The following CREB5 variants were observed in gnomAD, a reference collection of about 807,000 sequenced individuals.
CREB5 encodes the protein cyclic AMP-responsive element-binding protein 5.
A neutral mutation model predicts 57.1 loss-of-function variants in CREB5; 19 were observed. That is an observed-to-expected ratio of 0.33 (90% CI 0.23 to 0.49). The LOEUF (loss-of-function observed/expected upper bound fraction) is 0.49. Among genes scored for constraint, CREB5 ranks in the 20% least tolerant of loss-of-function variants. The pLI is 0.99. For synonymous variants in CREB5, 238 were observed against 238.3 expected (o/e 1.00, Z 0.01); for missense variants, 579 against 671.6 (o/e 0.86, Z 1.52).
chr7:28,493,812 G>A (rs577633155), intron 2 of CREB5, among the ~76,000 whole-genome samples: 163 of 152,212 alleles, frequency 1.1e-3, no homozygotes, highest in African/African-American at 3.8e-3. Context: ...TTAAAAATAA[G>A]CATTGGTTTA....
intron 5 of CREB5, among the ~76,000 whole-genome samples, chr7:28,578,761 A>G (rs1336957257): frequency 2.0e-5 from 3 of 152,256 alleles, no homozygotes; most frequent in Admixed American, 1.3e-4. Context: ...GATTCAAAAG[A>G]TAGCTCATTC....
At chr7:28,444,426 A>G (rs1038406569) in intron 1 of CREB5, among the ~76,000 whole-genome samples, 1 of 152,152 alleles carries the variant, frequency 6.6e-6, no homozygotes, top group African/African-American at 2.4e-5. Context: ...TCCTGAGAAA[A>G]TAATAAAGAT....
At chr7:28,377,097 A>C (rs1164093939) in intron 1 of CREB5, among the ~76,000 whole-genome samples, 1 of 152,114 alleles carries the variant, frequency 6.6e-6, no homozygotes, top group Non-Finnish European at 1.5e-5. Flanking sequence ...AGGCATTTTT[A>C]CTCTACAAGG....
chr7:28,463,418 GA>G (rs768745967), intron 1 of CREB5, among the ~76,000 whole-genome samples: 36 of 152,188 alleles, frequency 2.4e-4, no homozygotes, highest in Non-Finnish European at 3.8e-4. Flanking sequence ...TAGTCCCATT[GA>G]ATTTTCATAT....
At chr7:28,499,405 T>C (rs1042979832) in intron 3 of CREB5, among the ~76,000 whole-genome samples, 12 of 152,068 alleles carry the variant, frequency 7.9e-5, no homozygotes, top group Non-Finnish European at 1.8e-4. Context: ...TGCACATGTG[T>C]CCTCTCATGT....
intron 7 of CREB5, among the ~76,000 whole-genome samples, chr7:28,758,449 G>T (rs1440216990): frequency 2.0e-5 from 3 of 152,128 alleles, no homozygotes; most frequent in Non-Finnish European, 2.9e-5. Flanking sequence ...TGTGAGGGCT[G>T]GTATGTGAAT....
At chr7:28,403,036 A>C (rs922378315) in intron 1 of CREB5, among the ~76,000 whole-genome samples, 8 of 152,224 alleles carry the variant, frequency 5.3e-5, no homozygotes, top group Non-Finnish European at 7.3e-5. Flanking sequence ...CTGAAAACTA[A>C]ATCATACTAG....
chr7:28,507,150 T>C lies in CREB5; in HGVS notation c.170-466T>C, dbSNP rs1055841134. On this transcript the variant is annotated intron_variant, in intron 3 of 10. Coordinates refer to ENST00000357727, the MANE Select transcript of CREB5 (RefSeq NM_182898.4). ...AAATGAATTAACATGCTTGTTTGTT[T>C]CTTTTTGTTTACTATAAGAATTTGC... Among the ~76,000 whole-genome samples, 3 of 152,250 alleles carry C rather than the reference T, an allele frequency of 2.0e-5. No homozygotes were observed. The East Asian group carries it at 5.8e-4, about 29-fold the overall frequency.
intron 4 of CREB5, among the ~76,000 whole-genome samples, chr7:28,546,918 G>T (rs1286943814): frequency 6.6e-6 from 1 of 152,210 alleles, no homozygotes; most frequent in Non-Finnish European, 1.5e-5. Context: ...AAAAATAGGG[G>T]TGTATTGGGG....
chr7:28,635,282 T>C (rs1798373353), intron 5 of CREB5, among the ~76,000 whole-genome samples: 1 of 152,232 alleles, frequency 6.6e-6, no homozygotes, highest in Admixed American at 6.5e-5. Flanking sequence ...CACATTTGGC[T>C]GATAGGTTTT....
At chr7:28,514,785 A>G (rs1017780194) in intron 4 of CREB5, among the ~76,000 whole-genome samples, 13 of 152,176 alleles carry the variant, frequency 8.5e-5, no homozygotes, top group African/African-American at 2.9e-4. Context: ...AACTGGCCCA[A>G]GGTTTTCAGA....
At chr7:28,327,586 C>T (rs546825886) in intron 1 of CREB5, among the ~76,000 whole-genome samples, 108 of 152,340 alleles carry the variant, frequency 7.1e-4, no homozygotes, top group African/African-American at 2.5e-3. Context: ...CTCTGCCCTT[C>T]CCACTTCTCC....
At chr7:28,702,317 A>G (rs989473394) in intron 5 of CREB5, among the ~76,000 whole-genome samples, 1 of 152,244 alleles carries the variant, frequency 6.6e-6, no homozygotes, top group Admixed American at 6.5e-5. Context: ...TCGTAAGAAC[A>G]CTTGAATGTT....
At chr7:28,458,551 T>C (rs527728833) in intron 1 of CREB5, among the ~76,000 whole-genome samples, 1 of 152,322 alleles carries the variant, frequency 6.6e-6, no homozygotes, top group African/African-American at 2.4e-5. Context: ...ATCGCAAATA[T>C]AGGCAGGCAG....
intron 5 of CREB5, among the ~76,000 whole-genome samples, chr7:28,648,311 A>T (rs1798970441): frequency 6.6e-6 from 1 of 152,184 alleles, no homozygotes; most frequent in South Asian, 2.1e-4. Context: ...GGAGATATAA[A>T]GACAATGGGA....
In CREB5 at chr7:28,619,648, T is replaced by C. The variant is rs562460370; in HGVS notation, c.464+49111T>C. The stretch of plus-strand genomic sequence containing the variant: ...GAGTTTGAGACCAGCTTGGGCAACA[T>C]AGCAAGACCCTCATCTCTAAAATAA... On this transcript the variant is annotated intron_variant, in intron 5 of 10. Transcript: ENST00000357727. 5.5e-4 allele frequency among the ~76,000 whole-genome samples: 83 copies of C among 152,216 alleles called. 1 individual carries two copies. Among genetic ancestry groups the C allele is most frequent in the Admixed American group, 4.4e-3 (67 of 15,280 alleles).
chr7:28,780,361 G>A (rs756805252), intron 7 of CREB5, among the ~76,000 whole-genome samples: 1 of 152,194 alleles, frequency 6.6e-6, no homozygotes, highest in Non-Finnish European at 1.5e-5. Flanking sequence ...GGAGGAAATA[G>A]CCTTTAACTA....
chr7:28,677,954 C>G (rs1800394995), intron 5 of CREB5, among the ~76,000 whole-genome samples: 1 of 152,088 alleles, frequency 6.6e-6, no homozygotes, highest in African/African-American at 2.4e-5. Context: ...CCAGACAGTG[C>G]ATGAATCTCA....
chr7:28,611,096 G>A (rs1027537342), intron 5 of CREB5, among the ~76,000 whole-genome samples: 19 of 152,048 alleles, frequency 1.2e-4, no homozygotes, highest in African/African-American at 4.1e-4. Context: ...CTTACAGGAA[G>A]AGTTAGGAAG....
Sources: gnomAD v4.1 joint callset for allele counts (sites outside exome capture counted in the v4.1 genomes callset) on GRCh38, gnomAD v4.1.1 for gene constraint, MANE v1.5 for transcripts, NCBI Gene and HGNC (gene_info 2026-07-23, HGNC 2026-07-21) for gene names.